NLGN1: variants seen among roughly 807,000 people sequenced by gnomAD.
NLGN1 encodes the protein neuroligin 1.
A neutral mutation model predicts 65.5 loss-of-function variants in NLGN1; 12 were observed. The observed-to-expected ratio is 0.18, with a 90% CI of 0.12 to 0.30. NLGN1 has a LOEUF of 0.30. Ranked by LOEUF, NLGN1 falls within the 10% of genes least tolerant of loss-of-function variation. NLGN1 has a pLI of 1.00. For synonymous variants in NLGN1, 350 were observed against 359.5 expected (o/e 0.97, Z 0.30); for missense variants, 750 against 1,007.1 (o/e 0.74, Z 3.46).
chr3:173,496,872 G>T (rs1730112724), intron 2 of NLGN1, among the ~76,000 whole-genome samples: 1 of 151,702 alleles, frequency 6.6e-6, no homozygotes, highest in Admixed American at 6.6e-5. Context: ...CTAGGATTTT[G>T]AATCTTAGCG....
intron 2 of NLGN1, among the ~76,000 whole-genome samples, chr3:173,582,306 G>GT (rs1406243363): frequency 2.0e-5 from 3 of 151,850 alleles, no homozygotes; most frequent in African/African-American, 4.8e-5. Flanking sequence ...CTCTCCTACT[G>GT]TTTTTTTCTC....
At chr3:173,514,551 A>G (rs990171525) in intron 2 of NLGN1, among the ~76,000 whole-genome samples, 2 of 152,172 alleles carry the variant, frequency 1.3e-5, no homozygotes, top group Non-Finnish European at 2.9e-5. Flanking sequence ...CAGATTTTTA[A>G]GTGTACAATA....
intron 3 of NLGN1, among the ~76,000 whole-genome samples, chr3:173,674,826 T>C (rs1438566312): frequency 1.3e-5 from 2 of 152,082 alleles, no homozygotes; most frequent in East Asian, 3.9e-4. Context: ...CATAGGTTTA[T>C]AAACTTGGAG....
At chr3:174,239,280 G>C (rs535823420) in intron 4 of NLGN1, among the ~76,000 whole-genome samples, 150 of 152,180 alleles carry the variant, frequency 9.9e-4, no homozygotes, top group Non-Finnish European at 1.8e-3. Flanking sequence ...TGTTGGCCAA[G>C]CTGGTCTCAA....
chr3:173,546,910 G>T (rs1054298499), intron 2 of NLGN1, among the ~76,000 whole-genome samples: 13 of 152,120 alleles, frequency 8.5e-5, no homozygotes, highest in Non-Finnish European at 1.6e-4. Context: ...AACTTAGAAA[G>T]TAATATGTGC....
At chr3:174,206,831 T>C (rs1173732121) in intron 4 of NLGN1, among the ~76,000 whole-genome samples, 1 of 152,150 alleles carries the variant, frequency 6.6e-6, no homozygotes, top group Non-Finnish European at 1.5e-5. Context: ...TGTGCCTTTG[T>C]TTACCCAGCA....
chr3:173,461,335 T>C (rs1723345271), intron 2 of NLGN1, among the ~76,000 whole-genome samples: 1 of 152,152 alleles, frequency 6.6e-6, no homozygotes, highest in Non-Finnish European at 1.5e-5. Flanking sequence ...CTGAGTGTAC[T>C]AGTTCTCCCA....
intron 1 of NLGN1, among the ~76,000 whole-genome samples, chr3:173,419,016 TCTTC>T (rs1406232162): frequency 8.7e-6 from 1 of 115,222 alleles, no homozygotes; most frequent in East Asian, 2.4e-4. Context: ...GCTTTCTTCT[TCTTC>T]TTTTTTTTTT....
intron 4 of NLGN1, among the ~76,000 whole-genome samples, chr3:173,944,994 T>A (rs780977970): frequency 1.3e-5 from 2 of 152,074 alleles, no homozygotes; most frequent in Non-Finnish European, 2.9e-5. Context: ...GAGATGGAGG[T>A]CACTTACTGA....
chr3:173,766,457 A>G (rs1578329748), intron 3 of NLGN1, among the ~76,000 whole-genome samples: 2 of 152,128 alleles, frequency 1.3e-5, no homozygotes, highest in East Asian at 1.9e-4. Context: ...TCCTATTAGT[A>G]GTAGTAGTAG....
At chr3:173,696,182 A>G (rs1046561039) in intron 3 of NLGN1, among the ~76,000 whole-genome samples, 4 of 152,220 alleles carry the variant, frequency 2.6e-5, no homozygotes, top group African/African-American at 4.8e-5. Flanking sequence ...ATGGAAATCT[A>G]TTAGAATATA....
At chr3:173,841,799 G>A (rs1724822047) in intron 4 of NLGN1, among the ~76,000 whole-genome samples, 1 of 152,124 alleles carries the variant, frequency 6.6e-6, no homozygotes, top group Admixed American at 6.5e-5. Context: ...ATGAAAAGGA[G>A]TGGTTAGTTC....
chr3:174,095,550 A>T (rs1745348877), intron 4 of NLGN1, among the ~76,000 whole-genome samples: 1 of 149,182 alleles, frequency 6.7e-6, no homozygotes, highest in South Asian at 2.1e-4. Flanking sequence ...TATATATATA[A>T]AACGTGTGTA....
chr3:174,080,265 G>A (rs1219217207), intron 4 of NLGN1, among the ~76,000 whole-genome samples: 1 of 152,012 alleles, frequency 6.6e-6, no homozygotes, highest in Non-Finnish European at 1.5e-5. Context: ...AATCCGTACG[G>A]GTCTGCAACA....
At chr3:173,527,914 A>G (rs1735923173) in intron 2 of NLGN1, among the ~76,000 whole-genome samples, 1 of 151,584 alleles carries the variant, frequency 6.6e-6, no homozygotes, top group South Asian at 2.1e-4. Context: ...CCAATTTACC[A>G]CTCCATCTTT....
At chr3:173,605,155 C>T in intron 3 of NLGN1, 64 bp downstream of exon 2, 1 of 1,337,500 alleles carries the variant, frequency 7.5e-7, no homozygotes, top group Non-Finnish European at 1.0e-6. Flanking sequence ...TAAGTTCTAA[C>T]AATATTAATT....
chr3:174,191,893 ATTTAC>A, intron 4 of NLGN1, among the ~76,000 whole-genome samples: 1 of 152,130 alleles, frequency 6.6e-6, no homozygotes, highest in African/African-American at 2.4e-5. Context: ...TATCTATGAA[ATTTAC>A]TTTAAGTAGG....
At chr3:174,134,997 G>GA (rs530475046) in intron 4 of NLGN1, among the ~76,000 whole-genome samples, 8 of 152,092 alleles carry the variant, frequency 5.3e-5, no homozygotes, top group South Asian at 2.1e-4. Context: ...TTCTGACATA[G>GA]AAAAAAACCC....
rs370131976 is a variant in NLGN1, at chr3:173,717,766, G to T, written c.494-89914G>T. Among the ~76,000 whole-genome samples the T allele has an allele frequency of 5.3e-5, 8 of 152,136 alleles. No homozygotes were observed. In the East Asian group the frequency reaches 7.7e-4, roughly 15 times the overall value. The stretch of plus-strand genomic sequence containing the variant: ...GAGCCACAAAGTGGTTTAAGAAGTG[G>T]TTTATAAACTCTGGCCCTCAGGAGA... On this transcript the variant is annotated intron_variant, in intron 3 of 6. Transcript: ENST00000457714.
Sources: gnomAD v4.1 joint callset for allele counts (sites outside exome capture counted in the v4.1 genomes callset) on GRCh38, gnomAD v4.1.1 for gene constraint, MANE v1.5 for transcripts, NCBI Gene and HGNC (gene_info 2026-07-23, HGNC 2026-07-21) for gene names.